ZFHX4: variants seen among roughly 807,000 people sequenced by gnomAD.
ZFHX4 encodes the protein zinc finger homeobox 4.
A neutral mutation model predicts 267.6 loss-of-function variants in ZFHX4; 56 were observed. That is an observed-to-expected ratio of 0.21 (90% CI 0.17 to 0.26). ZFHX4 has a LOEUF of 0.26. Ranked by LOEUF, ZFHX4 falls within the 10% of genes least tolerant of loss-of-function variation. The probability of loss-of-function intolerance (pLI) is 1.00; values close to 1 mark genes in which losing one functional copy is unlikely to be tolerated. For missense variants in ZFHX4, 4,332 were observed against 4,420.0 expected (o/e 0.98, Z 0.56); for synonymous variants, 1,778 against 1,665.6 (o/e 1.07, Z -1.64).
chr8:76,710,748 T>C (rs1367739870), intron 3 of ZFHX4, among the ~76,000 whole-genome samples: 3 of 152,176 alleles, frequency 2.0e-5, no homozygotes, highest in Non-Finnish European at 4.4e-5. Context: ...ATGTGTCATT[T>C]CAATTTGAAT....
In ZFHX4 at chr8:76,853,619, T is replaced by C; in HGVS notation, c.6698T>C (p.Phe2233Ser). The C allele has an allele frequency of 6.2e-7, 1 of 1,613,800 alleles. No individual in the cohort carries two copies. Among genetic ancestry groups the C allele is most frequent in the Non-Finnish European group, 8.5e-7 (1 of 1,179,848 alleles). Reference sequence around the variant, plus strand: ...AGTAAAAGGTCTTCTAGAACGAGATTTACTGACTACCAGCTTAGGGTTCTG... The same window carrying C: ...AGTAAAAGGTCTTCTAGAACGAGATCTACTGACTACCAGCTTAGGGTTCTG... ...SFSKRSSRTR[F>S]TDYQLRVLQD... The change falls in exon 10 of 11, where the codon TTT becomes TCT. Residue 2233 changes from phenylalanine (F) to serine (S), a missense_variant. Physicochemically the swap from Phe to Ser is radical, Grantham distance 155 (BLOSUM62 -2). This residue lies in a region of ZFHX4 where 62 missense variants were observed against 69.8 expected (regional missense o/e 0.89). Coordinates refer to ENST00000651372, the MANE Select transcript of ZFHX4 (RefSeq NM_024721.5).
chr8:76,765,611 A>G (rs1247474650), intron 3 of ZFHX4, among the ~76,000 whole-genome samples: 2 of 152,132 alleles, frequency 1.3e-5, no homozygotes, highest in Non-Finnish European at 2.9e-5. Context: ...AAATATAACA[A>G]TGATGTCACT....
intron 6 of ZFHX4, among the ~76,000 whole-genome samples, chr8:76,846,599 GA>G (rs1812370896): frequency 6.6e-6 from 1 of 151,842 alleles, no homozygotes; most frequent in Non-Finnish European, 1.5e-5. Context: ...TATTTTTGAT[GA>G]ATATTAATAA....
At chr8:76,850,443 A>G in intron 9 of ZFHX4, 81 bp downstream of exon 9, 1 of 1,161,386 alleles carries the variant, frequency 8.6e-7, no homozygotes, top group Non-Finnish European at 1.2e-6. Flanking sequence ...GATTATTACT[A>G]TCAAAAGATT....
rs1811714135 is a variant in ZFHX4, at chr8:76,823,762, C to T, written c.3326-9576C>T. ...CAACAATTATCATGTTGGTAAAAAA[C>T]ATTATCTAGTTATCTGAGGATTTTC... On this transcript the variant is annotated intron_variant, in intron 4 of 10. Coordinates refer to ENST00000651372, the MANE Select transcript of ZFHX4 (RefSeq NM_024721.5). Among the ~76,000 whole-genome samples, 4 of 152,206 alleles carry T rather than the reference C, an allele frequency of 2.6e-5. No individual in the cohort carries two copies. The South Asian group carries it at 8.3e-4, about 32-fold the overall frequency.
chr8:76,779,009 T>C (rs1810478295), intron 4 of ZFHX4, among the ~76,000 whole-genome samples: 1 of 152,220 alleles, frequency 6.6e-6, no homozygotes, highest in African/African-American at 2.4e-5. Context: ...TAACACGTTT[T>C]GAATGGCATT....
intron 4 of ZFHX4, among the ~76,000 whole-genome samples, chr8:76,823,802 A>G (rs1278868623): frequency 1.3e-5 from 2 of 152,236 alleles, no homozygotes; most frequent in Non-Finnish European, 2.9e-5. Flanking sequence ...ATGGTCATAT[A>G]TAATTCACAA....
rs1812601727 is a variant in ZFHX4, at chr8:76,853,290, C to A, written c.6369C>A (p.Phe2123Leu). 6.2e-7 allele frequency: 1 copy of A among 1,608,926 alleles called. No homozygotes were observed. The highest frequency in any genetic ancestry group is 8.5e-7 in the Non-Finnish European group (1 of 1,177,388). ...CQQQLGLDPNFLRHSQFKRPR... is the reference protein window; with the variant it reads ...CQQQLGLDPNLLRHSQFKRPR... Reference sequence around the variant, plus strand: ...AGCAGCTCGGATTAGATCCCAACTTCTTAAGACATTCTCAGTTCAAACGCC... The same window carrying A: ...AGCAGCTCGGATTAGATCCCAACTTATTAAGACATTCTCAGTTCAAACGCC... Residue 2123 changes from phenylalanine to leucine, a missense_variant, in exon 10 of 11, where the codon TTC (phenylalanine) becomes TTA (leucine). Physicochemically the swap from Phe to Leu is conservative, Grantham distance 22. Transcript: ENST00000651372.
At chr8:76,725,754 G>T (rs1410632436) in intron 3 of ZFHX4, among the ~76,000 whole-genome samples, 1 of 152,078 alleles carries the variant, frequency 6.6e-6, no homozygotes, top group African/African-American at 2.4e-5. Flanking sequence ...AAAACACAAA[G>T]TACAATATTA....
chr8:76,804,332 A>G (rs1283381185), intron 4 of ZFHX4, among the ~76,000 whole-genome samples: 1 of 152,130 alleles, frequency 6.6e-6, no homozygotes, highest in Non-Finnish European at 1.5e-5. Flanking sequence ...ATATAAGACA[A>G]TGTATATTTA....
At chr8:76,802,549 G>T (rs1232165563) in intron 4 of ZFHX4, among the ~76,000 whole-genome samples, 1 of 152,168 alleles carries the variant, frequency 6.6e-6, no homozygotes, top group African/African-American at 2.4e-5. Context: ...AAGAAAGAGG[G>T]TTTTGTGAAA....
intron 4 of ZFHX4, among the ~76,000 whole-genome samples, chr8:76,825,050 T>C (rs992436605): frequency 1.3e-5 from 2 of 152,168 alleles, no homozygotes; most frequent in Non-Finnish European, 2.9e-5. Flanking sequence ...GCACAAATAA[T>C]AGTGATATTT....
intron 3 of ZFHX4, among the ~76,000 whole-genome samples, chr8:76,775,316 T>A (rs1390994327): frequency 6.6e-6 from 1 of 152,156 alleles, no homozygotes; most frequent in Non-Finnish European, 1.5e-5. Context: ...AACTACTTAA[T>A]CAAGTCCCAC....
At chr8:76,778,541 C>A in intron 4 of ZFHX4, 102 bp downstream of exon 4, 1 of 962,900 alleles carries the variant, frequency 1.0e-6, no homozygotes, top group Non-Finnish European at 1.6e-6. Context: ...AACTCTCCAA[C>A]TCGAGCCTGT....
Position 76,698,659 on chromosome 8 carries a change from A to C in ZFHX4, c.-46-5384A>C, listed in dbSNP as rs547378983. On this transcript the variant is annotated intron_variant, in intron 1 of 10. Transcript: ENST00000651372. ...CAGAGAAGAAAACAAATCTTCTTTG[A>C]CTAGCTAACAGATTTTAATGAGAAA... Among the ~76,000 whole-genome samples the C allele has an allele frequency of 2.0e-5, 3 of 152,244 alleles. No homozygotes were observed. In the East Asian group the frequency reaches 5.8e-4, roughly 29 times the overall value.
At chr8:76,788,239 T>C (rs2131799574) in intron 4 of ZFHX4, among the ~76,000 whole-genome samples, 1 of 152,276 alleles carries the variant, frequency 6.6e-6, no homozygotes, top group East Asian at 1.9e-4. Context: ...ACATTCTTTA[T>C]GTGTTATCCG....
At chr8:76,739,936 G>A (rs780428998) in intron 3 of ZFHX4, among the ~76,000 whole-genome samples, 4 of 152,110 alleles carry the variant, frequency 2.6e-5, no homozygotes, top group Non-Finnish European at 5.9e-5. Flanking sequence ...CAGATTGCTA[G>A]TTAGTATTGT....
intron 4 of ZFHX4, among the ~76,000 whole-genome samples, chr8:76,827,467 A>T (rs973002245): frequency 8.5e-5 from 13 of 152,250 alleles, no homozygotes; most frequent in Admixed American, 8.5e-4. Flanking sequence ...ACTGGTTGAT[A>T]GATGGAAACA....
At chr8:76,713,272 G>A (rs1399502977) in intron 3 of ZFHX4, among the ~76,000 whole-genome samples, 1 of 145,172 alleles carries the variant, frequency 6.9e-6, no homozygotes, top group Admixed American at 6.9e-5. Context: ...AGGATAGAGA[G>A]ATAGATAGAA....
Sources: allele counts gnomAD v4.1 joint callset (sites outside exome capture counted in the v4.1 genomes callset), GRCh38; gene constraint gnomAD v4.1.1; regional missense constraint gnomAD v4.1.1; transcripts MANE v1.5; gene names NCBI Gene and HGNC (gene_info 2026-07-23, HGNC 2026-07-21).